CAPN12: variants seen among roughly 807,000 people sequenced by gnomAD.
CAPN12 encodes calpain 12, also known as calpain-12.
CAPN12 carries 107 observed loss-of-function variants against 95.0 expected under a neutral mutation model. The ratio of observed to expected loss-of-function variants is 1.13; its 90% CI spans 0.96 to 1.32. CAPN12 has a LOEUF of 1.32. Ranked by LOEUF, CAPN12 falls within the 40% of genes most tolerant of loss-of-function variation. The pLI is 0.00. For missense variants in CAPN12, 1,136 were observed against 997.8 expected (o/e 1.14, Z -1.87); for synonymous variants, 505 against 415.5 (o/e 1.22, Z -2.62).
intron 12 of CAPN12, 108 bp from the exon 13 acceptor site, chr19:38,735,652 G>A: frequency 3.4e-6 from 3 of 872,910 alleles, no homozygotes; most frequent in Middle Eastern, 3.3e-4. Flanking sequence ...AGGGACCGTG[G>A]AGCCCTGGGC....
chr19:38,735,600 G>GCCCCAGC, intron 12 of CAPN12, 56 bp from the exon 13 acceptor site: 2 of 1,572,146 alleles, frequency 1.3e-6, no homozygotes, highest in South Asian at 1.1e-5. Context: ...CTGGGGCTGT[G>GCCCCAGC]TGGGACGGGG....
intron 5 of CAPN12, 104 bp downstream of exon 5, chr19:38,739,947 G>C: frequency 8.2e-7 from 1 of 1,224,198 alleles, no homozygotes; most frequent in Non-Finnish European, 1.1e-6. Flanking sequence ...GCCTAAGCCA[G>C]TAACGGAAGC....
intron 18 of CAPN12, among the ~76,000 whole-genome samples, chr19:38,732,199 C>T (rs1243811093): frequency 6.6e-6 from 1 of 152,268 alleles, no homozygotes; most frequent in East Asian, 1.9e-4. Context: ...AGCCTGCCAC[C>T]TGCCACCTGC....
intron 17 of CAPN12, 108 bp downstream of exon 17, chr19:38,734,034 G>A (rs1969826844): frequency 4.0e-6 from 5 of 1,252,088 alleles, no homozygotes; most frequent in African/African-American, 1.5e-5. Context: ...AGTCAGCCTA[G>A]TCCAGTACCC....
chr19:38,734,724 G>T (rs1969890933), intron 15 of CAPN12, 89 bp downstream of exon 15: 1 of 1,204,966 alleles, frequency 8.3e-7, no homozygotes, highest in Admixed American at 2.1e-5. Context: ...CAGCAGCGCG[G>T]TGGGTTCATA....
chr19:38,736,672 C>T (rs1272137770), intron 10 of CAPN12, 109 bp from the exon 11 acceptor site: 5 of 1,268,890 alleles, frequency 3.9e-6, no homozygotes, highest in Non-Finnish European at 5.3e-6. Flanking sequence ...CTTCTTCGTC[C>T]TATTAGACCC....
intron 4 of CAPN12, 146 bp downstream of exon 4, chr19:38,741,631 G>A: frequency 1.1e-6 from 1 of 877,508 alleles, no homozygotes; most frequent in Middle Eastern, 2.7e-4. Flanking sequence ...GTTGTGATAT[G>A]AGGGTTCTGG....
chr19:38,739,934 C>T (rs569537978), intron 5 of CAPN12, 117 bp downstream of exon 5: 6 of 1,080,266 alleles, frequency 5.6e-6, no homozygotes, highest in South Asian at 2.1e-5. Flanking sequence ...GATTTATGAG[C>T]GAGCCTAAGC....
rs766614584 is a variant in CAPN12, at chr19:38,736,233, C to CGGCGGGCGCTGAGG, written c.1446_1459dup (p.Arg487ProfsTer8). On this transcript the variant is annotated frameshift_variant, in exon 12 of 21. Coordinates refer to ENST00000328867, the MANE Select transcript of CAPN12 (RefSeq NM_144691.4). LOFTEE classifies it high-confidence loss of function. ...CAGGCAGCAGCGGCGGGTCACGTCG[C>CGGCGGGCGCTGAGG]GGCGGGCGCTGAGGGGCGAGCGGTC... 3.4e-4 allele frequency: 512 copies of CGGCGGGCGCTGAGG among 1,494,132 alleles called. 3 individuals are homozygous for CGGCGGGCGCTGAGG. Among genetic ancestry groups the CGGCGGGCGCTGAGG allele is most frequent in the South Asian group, 3.3e-3 (263 of 79,112 alleles). 92.6% of individuals were successfully genotyped at this position (1,494,132 alleles called of 1,614,324 possible).
intron 14 of CAPN12, 75 bp from the exon 15 acceptor site, chr19:38,734,945 C>A: frequency 7.0e-7 from 1 of 1,431,210 alleles, no homozygotes; most frequent in Non-Finnish European, 9.7e-7. Flanking sequence ...GCTAGGGACA[C>A]GGCAGGGGCT....
rs1360133625 is a variant in CAPN12 at position 38,730,529 on chromosome 19, G to T, written c.*323C>A. ...ATAAAACATGTAATATTTTTAAGAA[G>T]GATTCCTGCAGCATCATCTTTTTTT... On this transcript the variant is annotated 3_prime_UTR_variant, in exon 21 of 21. Coordinates refer to ENST00000328867, the MANE Select transcript of CAPN12 (RefSeq NM_144691.4). 1 of 412,088 alleles carries T rather than the reference G, an allele frequency of 2.4e-6. No homozygotes were observed. The allele number at this position is 412,088 out of a possible 1,614,324, so 25.5% of individuals were successfully genotyped here.
At chr19:38,733,617 C>T in intron 18 of CAPN12, 86 bp downstream of exon 18, 1 of 1,257,434 alleles carries the variant, frequency 8.0e-7, no homozygotes, top group Non-Finnish European at 1.2e-6. Context: ...GTGCAGACGG[C>T]CACAGCTGAG....
chr19:38,736,466 GT>G, intron 11 of CAPN12, 85 bp downstream of exon 11: 1 of 1,401,142 alleles, frequency 7.1e-7, no homozygotes, highest in Middle Eastern at 2.1e-4. Context: ...CCCCAGGGCA[GT>G]TTGACCAAGC....
intron 1 of CAPN12, among the ~76,000 whole-genome samples, chr19:38,743,687 A>T (rs1012874128): frequency 1.4e-5 from 2 of 139,814 alleles, no homozygotes; most frequent in African/African-American, 5.5e-5. Context: ...CAGACCCAGG[A>T]GTCCAGGTCC....
chr19:38,737,283 G>A lies in CAPN12; in HGVS notation c.1235C>T (p.Ala412Val). 6.7e-7 allele frequency: 1 copy of A among 1,502,880 alleles called. No homozygotes were observed. The highest frequency in any genetic ancestry group is 8.9e-7 in the Non-Finnish European group (1 of 1,127,504). 93.1% of individuals were successfully genotyped at this position (1,502,880 alleles called of 1,614,324 possible). The change falls in exon 10 of 21, where the codon GCA becomes GTA. Residue 412 changes from alanine to valine, a missense_variant. By Grantham distance (64) the Ala-to-Val change is moderately conservative. Coordinates refer to ENST00000328867, the MANE Select transcript of CAPN12 (RefSeq NM_144691.4). ...GCGGCCCCCCCGCGCTGGGCCCCGT[G>A]CCCCTGCAGCCCCCCAGCCCCCCCA... is the stretch of plus-strand genomic sequence containing the variant. ...GPWGGWGAAG[A>V]RGPARGGRTP...
intron 5 of CAPN12, 46 bp downstream of exon 5, chr19:38,740,005 G>A: frequency 6.6e-7 from 1 of 1,505,588 alleles, no homozygotes; most frequent in South Asian, 1.3e-5. Context: ...CCCTGACTGT[G>A]CTCTGGTCCT....
intron 2 of CAPN12, among the ~76,000 whole-genome samples, 156 bp from the exon 3 acceptor site, chr19:38,742,684 T>C (rs1970620195): frequency 6.6e-6 from 1 of 151,222 alleles, no homozygotes; most frequent in Non-Finnish European, 1.5e-5. Context: ...AAGACTCCAC[T>C]ACAAGAAAAT....
intron 18 of CAPN12, among the ~76,000 whole-genome samples, chr19:38,732,683 C>CA (rs1491303131): frequency 1.3e-5 from 2 of 152,168 alleles, no homozygotes; most frequent in African/African-American, 4.8e-5. Flanking sequence ...GTCTCACACT[C>CA]ACAGCCACAC....
intron 4 of CAPN12, 31 bp downstream of exon 4, chr19:38,741,746 G>C: frequency 6.2e-7 from 1 of 1,612,094 alleles, no homozygotes; most frequent in Non-Finnish European, 8.5e-7. Flanking sequence ...GGGGACTTAG[G>C]GCTGCAGCTG....
Sources: allele counts gnomAD v4.1 joint callset (sites outside exome capture counted in the v4.1 genomes callset), GRCh38; gene constraint gnomAD v4.1.1; transcripts MANE v1.5; gene names NCBI Gene and HGNC (gene_info 2026-07-23, HGNC 2026-07-21).